The following DDX27 variants were observed in gnomAD, a reference collection of about 807,000 sequenced individuals.
DDX27 encodes the protein probable ATP-dependent RNA helicase DDX27.
Under a neutral mutation model 99.3 loss-of-function variants are expected in DDX27, and 42 were observed. That is an observed-to-expected ratio of 0.42 (90% confidence interval 0.33 to 0.55). DDX27 has a LOEUF of 0.55. Among genes scored for constraint, DDX27 ranks in the 20% least tolerant of loss-of-function variants. DDX27 has a pLI of 0.07. For missense variants in DDX27, 798 were observed against 976.8 expected, an observed-to-expected ratio of 0.82 and a Z score of 2.44; for synonymous variants, 329 against 353.8, an observed-to-expected ratio of 0.93 and a Z score of 0.79.
rs1980481737 is a variant in DDX27, at chr20:49,241,734, G to T, written c.1898-159G>T. The T allele has an allele frequency of 5.4e-6, 4 of 746,110 alleles. No individual in the cohort carries two copies. In the South Asian group the frequency reaches 5.4e-5, roughly 10 times the overall value. The allele number at this position is 746,110 out of a possible 1,614,324, so 46.2% of individuals were successfully genotyped here. On this transcript the variant is annotated intron_variant, in intron 16 of 20. Transcript: ENST00000618172. ...TCCACCCACCTCAGCCTCCCAAAGT[G>T]CTGAGACTACAGGCACGAGCTACTG...
rs749045480 is a variant in DDX27 at position 49,236,127 on chromosome 20, C to G, written c.1428-23C>G. 2.5e-6 allele frequency: 4 copies of G among 1,595,540 alleles called. No homozygotes were observed. The Admixed American group carries it at 7.0e-5, about 28-fold the overall frequency. ...TATTAGGGGAGGGTGTCTGGATGAA[C>G]AGCTGTTTGTGACTGTTTCTAGGCG... On this transcript the variant is annotated intron_variant, in intron 12 of 20. Transcript: ENST00000618172. The surrounding 1 kb of genome is among the most constrained non-coding windows in gnomAD (Gnocchi z 4.1).
intron 1 of DDX27, among the ~76,000 whole-genome samples, chr20:49,220,953 C>G (rs771596974): frequency 3.5e-4 from 53 of 152,140 alleles, no homozygotes; most frequent in Non-Finnish European, 4.0e-4. Flanking sequence ...GACCAACACT[C>G]CAGTCTCATT....
At chr20:49,243,433 C>G (rs957169087) in intron 19 of DDX27, among the ~76,000 whole-genome samples, 196 bp from the exon 20 acceptor site, 1 of 152,164 alleles carries the variant, frequency 6.6e-6, no homozygotes, top group African/African-American at 2.4e-5. Context: ...CTCTTCCAAC[C>G]TTGTTTTAAA....
chr20:49,222,821 T>A (rs1009763007), intron 2 of DDX27, 136 bp from the exon 3 acceptor site: 5 of 451,760 alleles, frequency 1.1e-5, no homozygotes, highest in Non-Finnish European at 1.5e-5. Flanking sequence ...CCTAAAATTT[T>A]TATATATATA....
chr20:49,226,896 T>G (rs1284638120), intron 7 of DDX27, among the ~76,000 whole-genome samples: 5 of 118,028 alleles, frequency 4.2e-5, no homozygotes, highest in Admixed American at 1.1e-4. Context: ...GGAGTCTCGC[T>G]CTGTCGCCCA....
intron 3 of DDX27, 30 bp downstream of exon 3, chr20:49,223,046 T>A (rs1369138783): frequency 8.8e-6 from 14 of 1,596,980 alleles, no homozygotes; most frequent in Non-Finnish European, 1.1e-5. Context: ...TTTTTCGTTG[T>A]TAGGGCCCAC....
At chr20:49,235,211 C>A in intron 12 of DDX27, 123 bp downstream of exon 12, 1 of 1,194,074 alleles carries the variant, frequency 8.4e-7, no homozygotes, top group Non-Finnish European at 1.1e-6. Context: ...ATGATCTTGG[C>A]CTTGAACATT....
intron 9 of DDX27, among the ~76,000 whole-genome samples, chr20:49,231,776 C>T (rs1030814695): frequency 6.6e-6 from 1 of 152,160 alleles, no homozygotes; most frequent in African/African-American, 2.4e-5. Context: ...GAATGCAGGG[C>T]ACAGCTGTGC....
chr20:49,235,887 G>T, intron 12 of DDX27: 1 of 217,928 alleles, frequency 4.6e-6, no homozygotes, highest in Non-Finnish European at 9.1e-6. Context: ...GGGACTACAG[G>T]CGCCCGCCAC....
At chr20:49,222,793 G>GT (rs1979736737) in intron 2 of DDX27, among the ~76,000 whole-genome samples, 164 bp from the exon 3 acceptor site, 1 of 151,984 alleles carries the variant, frequency 6.6e-6, no homozygotes, top group Non-Finnish European at 1.5e-5. Context: ...GATTACAGGC[G>GT]TGAGCCACCG....
At position 49,236,576 on chromosome 20, in the gene DDX27, G is replaced by T; in HGVS notation, c.1687+66G>T. 1 of 1,449,986 alleles carries T rather than the reference G, an allele frequency of 6.9e-7. No individual in the cohort carries two copies. 89.8% of individuals were successfully genotyped at this position (1,449,986 alleles called of 1,614,324 possible). On this transcript the variant is annotated intron_variant, in intron 14 of 20. Transcript: ENST00000618172. This position sits in a 1 kb window ranked among gnomAD's most constrained non-coding sequence, Gnocchi z 4.1. ...GGCGGGGCAAGGACAGAGTGTAATG[G>T]CTGAGAGCAGGTACTTTGCAGTTCA...
chr20:49,219,608 C>T, intron 1 of DDX27, 67 bp downstream of exon 1: 2 of 1,487,186 alleles, frequency 1.3e-6, no homozygotes, highest in Non-Finnish European at 1.8e-6. Context: ...CCTCAGGTCC[C>T]TGTCCCCGAA....
In DDX27 at chr20:49,242,647, A is replaced by G. The variant is rs1486497095; in HGVS notation, c.2170A>G (p.Thr724Ala). ...KSVFDEELTN[T>A]SKKALKQYRA... ...TGTATTTGATGAAGAACTCACCAAC[A>G]CAAGCAAGAAGGCCCTGAAACAGTA... Residue 724 changes from threonine to alanine, a missense_variant, in exon 19 of 21, where the codon ACA becomes GCA. This residue lies in a region of DDX27 where 553 missense variants were observed against 727.9 expected (regional missense o/e 0.76). Coordinates refer to ENST00000618172, the MANE Select transcript of DDX27 (RefSeq NM_017895.8). 2 of 1,614,190 alleles carry G rather than the reference A, an allele frequency of 1.2e-6. No homozygotes were observed. The highest frequency in any genetic ancestry group is 1.1e-5 in the South Asian group (1 of 91,090).
Position 49,236,257 on chromosome 20 carries a change from CT to C in DDX27, c.1509+30del. 6.3e-7 allele frequency: 1 copy of C among 1,581,488 alleles called. No individual in the cohort carries two copies. Among genetic ancestry groups the C allele is most frequent in the Non-Finnish European group, 8.6e-7 (1 of 1,162,374 alleles). ...GTGAGCAGACACTATCTTCCTTGGA[CT>C]TTTGGTGGAAGTCTTTTTGCCTCTT... On this transcript the variant is annotated intron_variant, in intron 13 of 20. Transcript: ENST00000618172. This position sits in a 1 kb window ranked among gnomAD's most constrained non-coding sequence, Gnocchi z 4.1.
chr20:49,243,808 TC>T lies in DDX27; in HGVS notation c.2280-7del, dbSNP rs1216171090. 1.5e-5 allele frequency: 24 copies of T among 1,614,102 alleles called. No individual in the cohort carries two copies. Among genetic ancestry groups the T allele is most frequent in the Non-Finnish European group, 1.9e-5 (23 of 1,180,036 alleles). ...CTCATTCTGGTCTTAACTCTGATTT[TC>T]TTACAGATACAAGAGGAGGAAGTAG... On this transcript the variant is annotated splice_polypyrimidine_tract_variant and splice_region_variant and intron_variant, in intron 20 of 20. Transcript: ENST00000618172.
chr20:49,229,650 CTTTTTTT>C (rs71186442), intron 8 of DDX27, among the ~76,000 whole-genome samples: 1 of 134,358 alleles, frequency 7.4e-6, no homozygotes, highest in South Asian at 2.4e-4. Flanking sequence ...CAGGCATTCT[CTTTTTTT>C]TTTTTTTTTG....
rs145311933 is a variant in DDX27, at chr20:49,238,643, T to C, written c.1688-306T>C. ...CCCCCACACCCAGCTGATTTTTGTA[T>C]TTTTAATAGAGACGGGGTTTCACAG... On this transcript the variant is annotated intron_variant, in intron 14 of 20. Transcript: ENST00000618172. 637 of 326,358 alleles carry C rather than the reference T, an allele frequency of 2.0e-3. 5 individuals carry two copies. The highest frequency in any genetic ancestry group is 0.013 in the African/African-American group (600 of 46,386). 20.2% of individuals were successfully genotyped at this position (326,358 alleles called of 1,614,324 possible). A position where few individuals can be genotyped will look rare whatever the true frequency, so the allele number is the denominator to read the frequency against.
intron 9 of DDX27, among the ~76,000 whole-genome samples, chr20:49,232,969 G>T (rs959617903): frequency 1.3e-5 from 2 of 151,094 alleles, no homozygotes; most frequent in African/African-American, 4.9e-5. Flanking sequence ...GGCAGCTGAA[G>T]GAATTTGAAC....
chr20:49,242,702 G>A, intron 19 of DDX27, 21 bp downstream of exon 19: 1 of 1,581,068 alleles, frequency 6.3e-7, no homozygotes, highest in South Asian at 1.1e-5. Flanking sequence ...AAGTCATCAT[G>A]GAGCCCTTGG....
Sources: gnomAD v4.1 joint callset for allele counts (sites outside exome capture counted in the v4.1 genomes callset) on GRCh38, gnomAD v4.1.1 for gene constraint, gnomAD v4.1.1 regional missense constraint, Gnocchi (gnomAD v3.1) non-coding constraint, MANE v1.5 for transcripts, NCBI Gene and HGNC (gene_info 2026-07-23, HGNC 2026-07-21) for gene names.